The following CRISPLD2 variants were observed in gnomAD, a reference collection of about 807,000 sequenced individuals.
CRISPLD2 encodes the protein cysteine rich secretory protein LCCL domain containing 2, also known as cysteine-rich secretory protein LCCL domain-containing 2.
In CRISPLD2, 47 loss-of-function variants were observed where a neutral mutation model predicts 71.1. The observed-to-expected ratio is 0.66, with a 90% confidence interval of 0.52 to 0.84. The LOEUF (loss-of-function observed/expected upper bound fraction) is 0.84. Among genes scored for constraint, CRISPLD2 ranks in the 40% least tolerant of loss-of-function variants. The pLI, the probability that CRISPLD2 is intolerant of heterozygous loss-of-function variation, is 0.00. For missense variants in CRISPLD2, 830 were observed against 651.1 expected (o/e 1.27, Z -2.99); for synonymous variants, 317 against 250.1 (o/e 1.27, Z -2.52).
At chr16:84,824,053 C>A (rs143238265) in intron 1 of CRISPLD2, among the ~76,000 whole-genome samples, 4 of 152,000 alleles carry the variant, frequency 2.6e-5, no homozygotes, top group Non-Finnish European at 5.9e-5. Flanking sequence ...CTGAGACTGA[C>A]TTGAGAAGAG....
intron 1 of CRISPLD2, among the ~76,000 whole-genome samples, chr16:84,827,758 G>C (rs961087029): frequency 1.3e-5 from 2 of 151,906 alleles, no homozygotes; most frequent in East Asian, 3.9e-4. Context: ...GTAGAGACAG[G>C]GTTTCACCAT....
At chr16:84,892,975 C>CAAAAA (rs35939092) in intron 14 of CRISPLD2, among the ~76,000 whole-genome samples, 3 of 64,936 alleles carry the variant, frequency 4.6e-5, no homozygotes, top group African/African-American at 1.2e-4. Flanking sequence ...GACTCCATCT[C>CAAAAA]AAAAAAAAAA....
intron 13 of CRISPLD2, among the ~76,000 whole-genome samples, chr16:84,888,197 C>T (rs1294150129): frequency 6.6e-6 from 1 of 152,196 alleles, no homozygotes; most frequent in Non-Finnish European, 1.5e-5. Context: ...CTTCTAGAGG[C>T]CACCTGCATT....
At chr16:84,853,560 G>A (rs539371392) in intron 5 of CRISPLD2, among the ~76,000 whole-genome samples, 3 of 152,334 alleles carry the variant, frequency 2.0e-5, no homozygotes, top group African/African-American at 4.8e-5. Context: ...TGAGGCCAGG[G>A]TGCTTCTGGG....
chr16:84,897,115 C>T (rs187421609), intron 14 of CRISPLD2, among the ~76,000 whole-genome samples: 2 of 152,308 alleles, frequency 1.3e-5, no homozygotes, highest in East Asian at 1.9e-4. Flanking sequence ...CAGAGAGTCC[C>T]TGGATTGTTC....
At chr16:84,897,199 A>G (rs747023784) in intron 14 of CRISPLD2, among the ~76,000 whole-genome samples, 6 of 151,328 alleles carry the variant, frequency 4.0e-5, no homozygotes, top group Non-Finnish European at 4.4e-5. Flanking sequence ...ATCCAGGTAC[A>G]TTGGGAGGCT....
intron 1 of CRISPLD2, among the ~76,000 whole-genome samples, chr16:84,830,428 G>A (rs1459339436): frequency 6.6e-6 from 1 of 152,198 alleles, no homozygotes; most frequent in Non-Finnish European, 1.5e-5. Context: ...TATATTCCGG[G>A]CATGGTGGCT....
At chr16:84,824,791 C>G (rs1916309953) in intron 1 of CRISPLD2, among the ~76,000 whole-genome samples, 1 of 152,158 alleles carries the variant, frequency 6.6e-6, no homozygotes, top group Non-Finnish European at 1.5e-5. Flanking sequence ...ACGCAAAAAA[C>G]AAGCCAAGTT....
chr16:84,848,641 A>G (rs1646550263), intron 3 of CRISPLD2, among the ~76,000 whole-genome samples: 6 of 152,062 alleles, frequency 3.9e-5, no homozygotes, highest in Admixed American at 3.9e-4. Flanking sequence ...GGGTTTCGCC[A>G]TGTCGGCCAG....
intron 14 of CRISPLD2, among the ~76,000 whole-genome samples, chr16:84,901,787 CTT>C (rs760025598): frequency 0.018 from 1,580 of 87,762 alleles, 17 homozygotes; most frequent in African/African-American, 0.052. Context: ...ACTGGTTGCA[CTT>C]TTTTTTTTTT....
chr16:84,844,400 G>C (rs1478675519), intron 2 of CRISPLD2, among the ~76,000 whole-genome samples: 1 of 152,198 alleles, frequency 6.6e-6, no homozygotes, highest in African/African-American at 2.4e-5. Flanking sequence ...TAAGTGTGCA[G>C]TTCTGTGGCA....
At chr16:84,869,668 G>A (rs774368498) in intron 8 of CRISPLD2, among the ~76,000 whole-genome samples, 5 of 152,216 alleles carry the variant, frequency 3.3e-5, no homozygotes, top group South Asian at 2.1e-4. Flanking sequence ...CTAAAACCTC[G>A]CGCTCAGTGT....
intron 13 of CRISPLD2, among the ~76,000 whole-genome samples, chr16:84,883,227 C>G (rs1395610684): frequency 1.3e-5 from 2 of 152,216 alleles, no homozygotes; most frequent in African/African-American, 2.4e-5. Context: ...TCACTGTATT[C>G]TGGGAAATGA....
chr16:84,888,831 A>C (rs1294244313), intron 13 of CRISPLD2, among the ~76,000 whole-genome samples: 1 of 152,126 alleles, frequency 6.6e-6, no homozygotes, highest in Non-Finnish European at 1.5e-5. Flanking sequence ...AACAATTCTG[A>C]AGTAGCCCCC....
At chr16:84,863,884 G>C (rs1917459729) in intron 6 of CRISPLD2, among the ~76,000 whole-genome samples, 1 of 147,690 alleles carries the variant, frequency 6.8e-6, no homozygotes, top group Non-Finnish European at 1.5e-5. Context: ...TTGAACCCGG[G>C]CGGCGGAGGT....
At chr16:84,849,701 CTGAG>C (rs1345686573) in intron 4 of CRISPLD2, among the ~76,000 whole-genome samples, 184 bp downstream of exon 4, 1 of 145,520 alleles carries the variant, frequency 6.9e-6, no homozygotes, top group Admixed American at 7.1e-5. Flanking sequence ...AGGTCAGAAA[CTGAG>C]TGAGCACTAC....
chr16:84,882,175 C>T (rs1397164985), intron 13 of CRISPLD2, among the ~76,000 whole-genome samples: 3 of 151,864 alleles, frequency 2.0e-5, no homozygotes, highest in Non-Finnish European at 2.9e-5. Flanking sequence ...CAAATACAAA[C>T]AAACACATGA....
intron 1 of CRISPLD2, among the ~76,000 whole-genome samples, chr16:84,824,361 C>T (rs563224083): frequency 3.5e-4 from 53 of 152,198 alleles, no homozygotes; most frequent in Non-Finnish European, 6.3e-4. Flanking sequence ...AACTTGAGAA[C>T]AGCTCACTCT....
Position 84,850,584 on chromosome 16 carries a change from C to A in CRISPLD2, c.509C>A (p.Thr170Asn). The A allele has an allele frequency of 1.9e-6, 3 of 1,614,146 alleles. No homozygotes were observed. The change falls in exon 5 of 15, where the codon ACC (threonine) becomes AAC (asparagine). Residue 170 changes from threonine to asparagine, a missense_variant. Thr to Asn is a moderately conservative substitution (Grantham distance 65). Transcript: ENST00000262424. The part of the protein sequence containing the change: ...THYTQIVWAT[T>N]NKIGCAVNTC... Reference sequence around the variant, plus strand: ...TCTTTTCAGATAGTTTGGGCCACCACCAACAAGATCGGTTGTGCTGTGAAC... The same window carrying A: ...TCTTTTCAGATAGTTTGGGCCACCAACAACAAGATCGGTTGTGCTGTGAAC...
Sources: gnomAD v4.1 joint callset for allele counts (sites outside exome capture counted in the v4.1 genomes callset) on GRCh38, gnomAD v4.1.1 for gene constraint, MANE v1.5 for transcripts, NCBI Gene and HGNC (gene_info 2026-07-23, HGNC 2026-07-21) for gene names.